Variants in MTMR12 observed in about 807,000 individuals in gnomAD.
The protein encoded by MTMR12 is myotubularin related protein 12, also known as myotubularin-related protein 12.
A neutral mutation model predicts 96.7 loss-of-function variants in MTMR12; 33 were observed. That is an observed-to-expected ratio of 0.34 (90% CI 0.26 to 0.46). MTMR12 has a LOEUF of 0.46. Ranked by LOEUF, MTMR12 falls within the 20% of genes least tolerant of loss-of-function variation. MTMR12 has a pLI of 1.00. For missense variants in MTMR12, 721 were observed against 896.1 expected, an observed-to-expected ratio of 0.80 and a Z score of 2.49; for synonymous variants, 298 against 327.2, an observed-to-expected ratio of 0.91 and a Z score of 0.96.
Position 32,233,473 on chromosome 5 carries a change from A to ACACACACAC in MTMR12, c.1674+299_1674+300insGTGTGTGTG, listed in dbSNP as rs1748084676. 7.9e-3 allele frequency among the ~76,000 whole-genome samples: 474 copies of ACACACACAC among 59,980 alleles called. 6 individuals are homozygous for ACACACACAC. The highest frequency in any genetic ancestry group is 0.02 in the African/African-American group (440 of 21,770). The allele number at this position is 59,980 out of a possible 152,430, so 39.3% of individuals were successfully genotyped here. On this transcript the variant is annotated intron_variant, in intron 15 of 15. Transcript: ENST00000382142. This position sits in a 1 kb window ranked among gnomAD's most constrained non-coding sequence, Gnocchi z 5.0. The stretch of plus-strand genomic sequence containing the variant: ...CTCTACTAACACACACACACACACA[A>ACACACACAC]ACACACACACACACACACACACACA...
At position 32,255,774 on chromosome 5, in the gene MTMR12, A is replaced by C. The variant is rs1749111748; in HGVS notation, c.714-6T>G. On this transcript the variant is annotated splice_polypyrimidine_tract_variant and splice_region_variant and intron_variant, in intron 7 of 15. Transcript: ENST00000382142. ...CAACAAAGTATGCTGGCAATCTAGA[A>C]GAAAGAAATGTCATCAAGTTTTAGT... 6.2e-7 allele frequency: 1 copy of C among 1,606,990 alleles called. No homozygotes were observed. Among genetic ancestry groups the C allele is most frequent in the African/African-American group, 1.3e-5 (1 of 74,628 alleles).
At chr5:32,278,265 C>A (rs1368946948) in intron 1 of MTMR12, among the ~76,000 whole-genome samples, 1 of 152,186 alleles carries the variant, frequency 6.6e-6, no homozygotes, top group Non-Finnish European at 1.5e-5. Flanking sequence ...GCCAATGTAT[C>A]AGAAACACTG....
chr5:32,280,336 A>T (rs1057184409), intron 1 of MTMR12, among the ~76,000 whole-genome samples: 1 of 152,212 alleles, frequency 6.6e-6, no homozygotes, highest in Non-Finnish European at 1.5e-5. Context: ...CAGAGGGACA[A>T]ACTCTAAGAA....
chr5:32,259,079 T>C (rs1029714877), intron 7 of MTMR12, among the ~76,000 whole-genome samples: 1 of 152,140 alleles, frequency 6.6e-6, no homozygotes, highest in African/African-American at 2.4e-5. Flanking sequence ...CACTGTGACA[T>C]TCCCATTGGA....
intron 1 of MTMR12, among the ~76,000 whole-genome samples, chr5:32,304,834 G>A (rs1180020361): frequency 6.6e-6 from 1 of 152,206 alleles, no homozygotes; most frequent in African/African-American, 2.4e-5. Context: ...ATCTGCAGAA[G>A]TTGTGTGGTG....
In MTMR12 at chr5:32,240,895, C is replaced by A. The variant is rs144608611; in HGVS notation, c.1171+1162G>T. ...GGATTACAGGTGTGAGCCACCGTGT[C>A]CAGCCACAAGTTTCATTTTTAAGGA... On this transcript the variant is annotated intron_variant, in intron 12 of 15. Transcript: ENST00000382142. 3.2e-4 allele frequency among the ~76,000 whole-genome samples: 48 copies of A among 152,274 alleles called. 1 individual carries two copies. The East Asian group carries it at 8.7e-3, about 28-fold the overall frequency.
intron 1 of MTMR12, among the ~76,000 whole-genome samples, chr5:32,290,468 T>A (rs1750699669): frequency 6.6e-6 from 1 of 152,204 alleles, no homozygotes; most frequent in South Asian, 2.1e-4. Flanking sequence ...GTTGAGATAC[T>A]CCTTCTAAGA....
At chr5:32,274,616 C>T (rs1749978393) in intron 2 of MTMR12, among the ~76,000 whole-genome samples, 1 of 152,294 alleles carries the variant, frequency 6.6e-6, no homozygotes, top group African/African-American at 2.4e-5. Context: ...CAGTGCCTCC[C>T]TGGCCATGGG....
intron 10 of MTMR12, among the ~76,000 whole-genome samples, chr5:32,246,174 T>TTTTTTTGTTGTTTG: frequency 6.7e-6 from 1 of 149,688 alleles, no homozygotes; most frequent in Admixed American, 6.6e-5. Flanking sequence ...TAGACAGTTT[T>TTTTTTTGTTGTTTG]TTTTTTTTTT....
intron 10 of MTMR12, 141 bp from the exon 11 acceptor site, chr5:32,243,740 T>A (rs1748566690): frequency 1.7e-6 from 1 of 579,802 alleles, no homozygotes; most frequent in African/African-American, 1.9e-5. Flanking sequence ...GACTCTATTT[T>A]GAGTAAGGGT....
chr5:32,245,006 A>G (rs1269770496), intron 10 of MTMR12, among the ~76,000 whole-genome samples: 1 of 152,156 alleles, frequency 6.6e-6, no homozygotes, highest in East Asian at 1.9e-4. Flanking sequence ...TAACTGAAAA[A>G]AAAAAATGTG....
chr5:32,234,997 A>G lies in MTMR12; in HGVS notation c.1477T>C (p.Phe493Leu). 1 of 1,613,868 alleles carries G rather than the reference A, an allele frequency of 6.2e-7. No individual in the cohort carries two copies. Among genetic ancestry groups the G allele is most frequent in the Non-Finnish European group, 8.5e-7 (1 of 1,179,736 alleles). ...SLYIPIFSTF[F>L]FNSPHQKDTN... Reference sequence around the variant, plus strand: ...TCTTTTTGATGAGGTGAATTGAAGAAGAAGGTGCTAAAAATAGGTATATAC... The same window carrying G: ...TCTTTTTGATGAGGTGAATTGAAGAGGAAGGTGCTAAAAATAGGTATATAC... Residue 493 changes from phenylalanine (F) to leucine (L), a missense_variant, in exon 14 of 16, where the codon TTC becomes CTC. Coordinates refer to ENST00000382142, the MANE Select transcript of MTMR12 (RefSeq NM_001040446.3).
chr5:32,279,359 G>A (rs1209783699), intron 1 of MTMR12, among the ~76,000 whole-genome samples: 2 of 152,054 alleles, frequency 1.3e-5, no homozygotes, highest in African/African-American at 4.8e-5. Flanking sequence ...GGTCAAGGCT[G>A]CAGTGAGCCA....
chr5:32,303,396 C>G (rs1291466284), intron 1 of MTMR12, among the ~76,000 whole-genome samples: 1 of 152,154 alleles, frequency 6.6e-6, no homozygotes, highest in Non-Finnish European at 1.5e-5. Flanking sequence ...CTTTCCATCT[C>G]TCCCAGCACT....
At chr5:32,258,951 T>C (rs1476642341) in intron 7 of MTMR12, among the ~76,000 whole-genome samples, 1 of 143,514 alleles carries the variant, frequency 7.0e-6, no homozygotes, top group African/African-American at 2.6e-5. Context: ...TTGGCAAATA[T>C]CCCATCCATC....
At position 32,285,987 on chromosome 5, in the gene MTMR12, T is replaced by C. The variant is rs115238367; in HGVS notation, c.82-9245A>G. On this transcript the variant is annotated intron_variant, in intron 1 of 15. Coordinates refer to ENST00000382142, the MANE Select transcript of MTMR12 (RefSeq NM_001040446.3). ...TGCAAAATGACCCATCTCTAATATA[T>C]ACCAATTCATTTCAACAAATAGCTC... 2.2e-3 allele frequency among the ~76,000 whole-genome samples: 337 copies of C among 152,248 alleles called. 3 individuals are homozygous for C. The highest frequency in any genetic ancestry group is 7.9e-3 in the African/African-American group (329 of 41,558).
intron 12 of MTMR12, among the ~76,000 whole-genome samples, chr5:32,241,839 T>C (rs892031914): frequency 6.6e-6 from 1 of 152,362 alleles, no homozygotes; most frequent in South Asian, 2.1e-4. Context: ...CTTTGTGGAC[T>C]GTGAATAGGT....
rs1049762455 is a variant in MTMR12 at position 32,312,601 on chromosome 5, A to G, written c.81+157T>C. Among the ~76,000 whole-genome samples, 53 of 151,874 alleles carry G rather than the reference A, an allele frequency of 3.5e-4. No homozygotes were observed. Among genetic ancestry groups the G allele is most frequent in the Admixed American group, 1.1e-3 (17 of 15,274 alleles). On this transcript the variant is annotated intron_variant, in intron 1 of 15. Transcript: ENST00000382142. This position sits in a 1 kb window ranked among gnomAD's most constrained non-coding sequence, Gnocchi z 5.0. Reference sequence around the variant, plus strand: ...CCATTCCGGCCCGCGCGGAGGCCCCAGCGCGCTCCTGCGGCCTCAGCCCGC... The same window carrying G: ...CCATTCCGGCCCGCGCGGAGGCCCCGGCGCGCTCCTGCGGCCTCAGCCCGC...
intron 3 of MTMR12, among the ~76,000 whole-genome samples, chr5:32,272,946 C>T (rs1176985480): frequency 1.3e-5 from 2 of 152,126 alleles, no homozygotes; most frequent in Non-Finnish European, 2.9e-5. Context: ...CAAGGGTGAT[C>T]TGGGACAGTT....
Sources: allele counts gnomAD v4.1 joint callset (sites outside exome capture counted in the v4.1 genomes callset), GRCh38; gene constraint gnomAD v4.1.1; non-coding constraint Gnocchi (gnomAD v3.1); transcripts MANE v1.5; gene names NCBI Gene and HGNC (gene_info 2026-07-23, HGNC 2026-07-21).